The following TTC27 variants were observed in gnomAD, a reference collection of about 807,000 sequenced individuals.
The protein encoded by TTC27 is tetratricopeptide repeat domain 27, also known as tetratricopeptide repeat protein 27.
Under a neutral mutation model 115.9 loss-of-function variants are expected in TTC27, and 79 were observed. That is an observed-to-expected ratio of 0.68 (90% CI 0.57 to 0.82). TTC27 has a LOEUF of 0.82. Ranked by LOEUF, TTC27 falls within the 40% of genes least tolerant of loss-of-function variation. The pLI, the probability that TTC27 is intolerant of heterozygous loss-of-function variation, is 0.00. For missense variants in TTC27, 1,054 were observed against 993.1 expected, an observed-to-expected ratio of 1.06 and a Z score of -0.82; for synonymous variants, 401 against 356.0, an observed-to-expected ratio of 1.13 and a Z score of -1.42.
intron 16 of TTC27, among the ~76,000 whole-genome samples, chr2:32,809,191 A>G (rs1671235513): frequency 6.6e-6 from 1 of 152,226 alleles, no homozygotes; most frequent in Admixed American, 6.5e-5. Context: ...CATCTCATGC[A>G]CGGATCAGAA....
intron 12 of TTC27, among the ~76,000 whole-genome samples, chr2:32,739,528 CA>C (rs1478806484): frequency 6.6e-6 from 1 of 152,028 alleles, no homozygotes; most frequent in Non-Finnish European, 1.5e-5. Flanking sequence ...GTAATAATGA[CA>C]AATGCTTCTG....
chr2:32,692,400 G>C (rs535070136), intron 9 of TTC27, among the ~76,000 whole-genome samples: 49 of 152,198 alleles, frequency 3.2e-4, no homozygotes, highest in Non-Finnish European at 6.8e-4. Flanking sequence ...AAGCAGAACG[G>C]GTTGCCGGGG....
At chr2:32,818,749 G>A (rs754794470) in intron 19 of TTC27, among the ~76,000 whole-genome samples, 11 of 152,124 alleles carry the variant, frequency 7.2e-5, no homozygotes, top group Admixed American at 1.3e-4. Flanking sequence ...ACTTACTTCC[G>A]AGAGTAAGTC....
intron 8 of TTC27, among the ~76,000 whole-genome samples, chr2:32,677,670 C>T (rs576494531): frequency 3.3e-5 from 5 of 152,128 alleles, no homozygotes; most frequent in Admixed American, 6.6e-5. Context: ...AGGATGGTCT[C>T]GATCTCTTGA....
At chr2:32,820,481 A>G (rs927890265) in intron 19 of TTC27, among the ~76,000 whole-genome samples, 4 of 152,264 alleles carry the variant, frequency 2.6e-5, no homozygotes, top group Non-Finnish European at 4.4e-5. Context: ...TTGCCTGCAT[A>G]CACAATAAAT....
At chr2:32,804,880 C>T (rs1162996609) in intron 16 of TTC27, among the ~76,000 whole-genome samples, 4 of 151,906 alleles carry the variant, frequency 2.6e-5, no homozygotes, top group African/African-American at 9.7e-5. Flanking sequence ...TTTGTATTAG[C>T]TCTGACATGG....
chr2:32,720,619 A>C (rs145646045), intron 10 of TTC27, among the ~76,000 whole-genome samples: 179 of 152,344 alleles, frequency 1.2e-3, no homozygotes, highest in Non-Finnish European at 2.1e-3. Flanking sequence ...AAGGGAAAAG[A>C]GATGAAGCCA....
At chr2:32,668,944 T>C (rs1665903267) in intron 7 of TTC27, among the ~76,000 whole-genome samples, 1 of 151,820 alleles carries the variant, frequency 6.6e-6, no homozygotes. Flanking sequence ...CTGGGAGTGG[T>C]GGCAGGCGCC....
chr2:32,680,235 T>G (rs913602642), intron 9 of TTC27, among the ~76,000 whole-genome samples: 5 of 152,164 alleles, frequency 3.3e-5, no homozygotes, highest in Non-Finnish European at 7.3e-5. Context: ...ATATGTGCTA[T>G]AAAGGAATTG....
At chr2:32,775,769 G>T (rs917134824) in intron 13 of TTC27, among the ~76,000 whole-genome samples, 1 of 152,092 alleles carries the variant, frequency 6.6e-6, no homozygotes, top group African/African-American at 2.4e-5. Context: ...TGGTTTTTCA[G>T]ATGCATCTCT....
intron 13 of TTC27, among the ~76,000 whole-genome samples, chr2:32,770,549 C>T (rs771563242): frequency 6.6e-5 from 10 of 152,134 alleles, no homozygotes; most frequent in Non-Finnish European, 1.0e-4. Context: ...GAAGAGCCAT[C>T]GGGGCTTTCA....
At chr2:32,815,254 T>TTTTTTTTTTTG (rs1291365713) in intron 18 of TTC27, among the ~76,000 whole-genome samples, 1 of 129,138 alleles carries the variant, frequency 7.7e-6, no homozygotes, top group Non-Finnish European at 1.6e-5. Context: ...TTTTTTTTTT[T>TTTTTTTTTTTG]GAGACGGAGT....
intron 8 of TTC27, among the ~76,000 whole-genome samples, chr2:32,672,716 T>C (rs1400530422): frequency 1.3e-5 from 2 of 152,240 alleles, no homozygotes; most frequent in African/African-American, 4.8e-5. Flanking sequence ...AGGATAGGAT[T>C]ATTTTTTAAT....
intron 10 of TTC27, among the ~76,000 whole-genome samples, chr2:32,717,893 G>A (rs541070049): frequency 4.6e-5 from 7 of 152,056 alleles, no homozygotes; most frequent in South Asian, 4.2e-4. Flanking sequence ...CCTGGTTTCC[G>A]ATCCCAGCGC....
At chr2:32,802,550 C>T (rs1670987711) in intron 16 of TTC27, among the ~76,000 whole-genome samples, 1 of 152,204 alleles carries the variant, frequency 6.6e-6, no homozygotes, top group South Asian at 2.1e-4. Context: ...CTCCCCTAGT[C>T]CACTTAGAGT....
chr2:32,655,436 A>G (rs372840612), intron 5 of TTC27, among the ~76,000 whole-genome samples: 2 of 152,312 alleles, frequency 1.3e-5, no homozygotes, highest in South Asian at 4.1e-4. Context: ...ATAAGCCACC[A>G]TGCCCAGCCT....
chr2:32,798,153 T>C (rs1179611223), intron 16 of TTC27, among the ~76,000 whole-genome samples: 2 of 148,824 alleles, frequency 1.3e-5, no homozygotes, highest in African/African-American at 5.0e-5. Context: ...ACACCTGTAA[T>C]CCCAGCACTT....
At chr2:32,812,473 A>T in intron 17 of TTC27, 31 bp from the exon 18 acceptor site, 1 of 1,476,174 alleles carries the variant, frequency 6.8e-7, no homozygotes, top group Non-Finnish European at 9.5e-7. Flanking sequence ...TCTACTTGTT[A>T]TTCTGAATGT....
At chr2:32,820,176 C>T (rs1175341571) in intron 19 of TTC27, among the ~76,000 whole-genome samples, 1 of 152,166 alleles carries the variant, frequency 6.6e-6, no homozygotes, top group Non-Finnish European at 1.5e-5. Context: ...ATACACATAC[C>T]ATGGGGTCAT....
Sources: gnomAD v4.1 joint callset for allele counts (sites outside exome capture counted in the v4.1 genomes callset) on GRCh38, gnomAD v4.1.1 for gene constraint, MANE v1.5 for transcripts, NCBI Gene and HGNC (gene_info 2026-07-23, HGNC 2026-07-21) for gene names.